Variants in TEAD1 observed in about 807,000 individuals in gnomAD.
The protein encoded by TEAD1 is TEA domain transcription factor 1, also known as transcriptional enhancer factor TEF-1.
TEAD1 carries 9 observed loss-of-function variants against 54.9 expected under a neutral mutation model. That is an observed-to-expected ratio of 0.16 (90% CI 0.10 to 0.29). The LOEUF (loss-of-function observed/expected upper bound fraction) is 0.29, where lower values mean the gene tolerates loss of function less well. Among genes scored for constraint, TEAD1 ranks in the 10% least tolerant of loss-of-function variants. The pLI is 1.00. For synonymous variants in TEAD1, 200 were observed against 187.8 expected (o/e 1.07, Z -0.53); for missense variants, 387 against 535.9 (o/e 0.72, Z 2.74).
intron 2 of TEAD1, among the ~76,000 whole-genome samples, chr11:12,729,272 G>A (rs558961433): frequency 6.6e-6 from 1 of 152,302 alleles, no homozygotes; most frequent in African/African-American, 2.4e-5. Flanking sequence ...GCTGCTTGAG[G>A]GTAGTCTGTG....
chr11:12,768,151 A>G (rs1240538368), intron 3 of TEAD1, among the ~76,000 whole-genome samples: 7 of 152,186 alleles, frequency 4.6e-5, no homozygotes, highest in Admixed American at 6.5e-5. Flanking sequence ...AGAAGTATAT[A>G]ACACTTAACA....
intron 2 of TEAD1, among the ~76,000 whole-genome samples, chr11:12,678,209 A>G (rs1465778293): frequency 1.3e-5 from 2 of 152,254 alleles, no homozygotes; most frequent in Non-Finnish European, 2.9e-5. Flanking sequence ...TAGAACTGCA[A>G]GAAAATGCAA....
At chr11:12,897,915 C>T (rs1350507318) in intron 9 of TEAD1, among the ~76,000 whole-genome samples, 6 of 152,274 alleles carry the variant, frequency 3.9e-5, no homozygotes, top group East Asian at 3.9e-4. Flanking sequence ...TTGCAGCAAA[C>T]GCAAGGGCTG....
chr11:12,887,728 C>T (rs909638847), intron 9 of TEAD1, among the ~76,000 whole-genome samples: 51 of 152,042 alleles, frequency 3.4e-4, no homozygotes, highest in Non-Finnish European at 2.5e-4. Flanking sequence ...AGTTTTGTTC[C>T]AACAACAGAA....
rs531214545 is a variant in TEAD1, at chr11:12,844,244, C to A, written c.203-18006C>A. On this transcript the variant is annotated intron_variant, in intron 3 of 12. Coordinates refer to ENST00000527636, the MANE Select transcript of TEAD1 (RefSeq NM_021961.6). The stretch of plus-strand genomic sequence containing the variant: ...AGTGCCGCCATTGTTTTTAAGAAGA[C>A]AAATTTTAATCCAAGGTTAAAAACT... Among the ~76,000 whole-genome samples the A allele has an allele frequency of 6.4e-4, 97 of 152,138 alleles. 1 individual carries two copies. The highest frequency in any genetic ancestry group is 1.2e-3 in the Non-Finnish European group (84 of 68,020).
chr11:12,928,995 T>C (rs35558524), intron 11 of TEAD1, among the ~76,000 whole-genome samples: 95,345 of 151,876 alleles, frequency 0.63, 30,110 homozygotes, highest in South Asian at 0.76. Flanking sequence ...TTTATATCAC[T>C]TGTGGCCTCC....
intron 9 of TEAD1, among the ~76,000 whole-genome samples, chr11:12,890,914 A>G (rs1948185644): frequency 6.6e-6 from 1 of 152,062 alleles, no homozygotes; most frequent in Admixed American, 6.6e-5. Context: ...ACAGGCATGT[A>G]CCATCATGCC....
chr11:12,941,626 G>A lies in TEAD1; in HGVS notation c.*4404G>A, dbSNP rs1474559284. 2 of 152,602 alleles carry A rather than the reference G, an allele frequency of 1.3e-5. No homozygotes were observed. The highest frequency in any genetic ancestry group is 6.5e-5 in the Admixed American group (1 of 15,274). 9.5% of individuals were successfully genotyped at this position (152,602 alleles called of 1,614,324 possible). A position where few individuals can be genotyped will look rare whatever the true frequency, so the allele number is the denominator to read the frequency against. On this transcript the variant is annotated 3_prime_UTR_variant, in exon 13 of 13. Coordinates refer to ENST00000527636, the MANE Select transcript of TEAD1 (RefSeq NM_021961.6). ...GGTAGAACTAATTCTGTTTGTCAGT[G>A]TTCACACCTGTAACATTAGGAGGAT...
chr11:12,683,078 T>G (rs74382269), intron 2 of TEAD1, among the ~76,000 whole-genome samples: 3,218 of 152,326 alleles, frequency 0.021, 126 homozygotes, highest in African/African-American at 0.074. Context: ...TGGTAGTGTA[T>G]GGACACTGAT....
intron 2 of TEAD1, among the ~76,000 whole-genome samples, chr11:12,731,902 G>A (rs1944432361): frequency 1.3e-5 from 2 of 152,102 alleles, no homozygotes; most frequent in South Asian, 4.2e-4. Context: ...TCTCTCTACA[G>A]TCTCTGGGAT....
At chr11:12,755,256 G>A (rs1234821637) in intron 2 of TEAD1, among the ~76,000 whole-genome samples, 1 of 151,988 alleles carries the variant, frequency 6.6e-6, no homozygotes, top group Non-Finnish European at 1.5e-5. Context: ...TTCTTGAAAT[G>A]GTGTATATAC....
In TEAD1 at chr11:12,885,886, G is replaced by A. The variant is rs374767818; in HGVS notation, c.699+2761G>A. Among the ~76,000 whole-genome samples, 30 of 152,324 alleles carry A rather than the reference G, an allele frequency of 2.0e-4. No individual in the cohort carries two copies. In the East Asian group the frequency reaches 4.6e-3, roughly 24 times the overall value. ...TGTGCACCTGCATGTGCAAGAAGCT[G>A]TACAGGAGAGGGGCTCATCGCTGCC... On this transcript the variant is annotated intron_variant, in intron 9 of 12. Coordinates refer to ENST00000527636, the MANE Select transcript of TEAD1 (RefSeq NM_021961.6).
At chr11:12,772,921 A>G (rs758959628) in intron 3 of TEAD1, among the ~76,000 whole-genome samples, 7 of 152,170 alleles carry the variant, frequency 4.6e-5, no homozygotes, top group Non-Finnish European at 8.8e-5. Flanking sequence ...CAGCTCCAAC[A>G]CCACAGGACC....
In TEAD1 at chr11:12,834,106, C is replaced by A. The variant is rs572650896; in HGVS notation, c.203-28144C>A. On this transcript the variant is annotated intron_variant, in intron 3 of 12. Coordinates refer to ENST00000527636, the MANE Select transcript of TEAD1 (RefSeq NM_021961.6). ...CTAGATGTCAAGCAACCTGTACTTC[C>A]AATGTGAATAAGTGGCTGACGACCA... Among the ~76,000 whole-genome samples the A allele has an allele frequency of 3.3e-5, 5 of 152,246 alleles. No homozygotes were observed. In the East Asian group the frequency reaches 9.6e-4, roughly 29 times the overall value.
intron 2 of TEAD1, among the ~76,000 whole-genome samples, chr11:12,755,440 T>G (rs996793762): frequency 6.6e-6 from 1 of 152,314 alleles, no homozygotes; most frequent in Admixed American, 6.5e-5. Flanking sequence ...TGGTGTTTTC[T>G]TTATTTTTAG....
chr11:12,694,225 A>G (rs1943527466), intron 2 of TEAD1, among the ~76,000 whole-genome samples: 1 of 152,164 alleles, frequency 6.6e-6, no homozygotes, highest in Admixed American at 6.5e-5. Flanking sequence ...AAAGCTCTGG[A>G]TTCCATATGT....
chr11:12,746,711 GT>G (rs1554928176), intron 2 of TEAD1, among the ~76,000 whole-genome samples: 1 of 152,138 alleles, frequency 6.6e-6, no homozygotes, highest in Non-Finnish European at 1.5e-5. Flanking sequence ...GCCCGCATGC[GT>G]GGTTTAGGCA....
intron 9 of TEAD1, among the ~76,000 whole-genome samples, chr11:12,889,910 T>C (rs539318468): frequency 6.6e-6 from 1 of 151,964 alleles, no homozygotes; most frequent in African/African-American, 2.4e-5. Flanking sequence ...TTAGTAGAGA[T>C]GGGGTTTTAC....
At chr11:12,859,027 A>T (rs755969174) in intron 3 of TEAD1, among the ~76,000 whole-genome samples, 3 of 152,304 alleles carry the variant, frequency 2.0e-5, no homozygotes, top group Non-Finnish European at 2.9e-5. Flanking sequence ...AAAACATGCC[A>T]TTATAATTTT....
Sources: gnomAD v4.1 joint callset for allele counts (sites outside exome capture counted in the v4.1 genomes callset) on GRCh38, gnomAD v4.1.1 for gene constraint, MANE v1.5 for transcripts, NCBI Gene and HGNC (gene_info 2026-07-23, HGNC 2026-07-21) for gene names.